The following VWA5B1 variants were observed in gnomAD, a reference collection of about 807,000 sequenced individuals.
VWA5B1 encodes von Willebrand factor A domain containing 5B1, also known as von Willebrand factor A domain-containing protein 5B1.
In VWA5B1, 115 loss-of-function variants were observed where a neutral mutation model predicts 118.2. The ratio of observed to expected loss-of-function variants is 0.97; its 90% CI spans 0.84 to 1.14. VWA5B1 has a LOEUF of 1.14. Ranked by LOEUF, VWA5B1 falls within the 50% of genes most tolerant of loss-of-function variation. The pLI is 0.00. For synonymous variants in VWA5B1, 682 were observed against 658.4 expected (o/e 1.04, Z -0.55); for missense variants, 1,596 against 1,603.8 (o/e 1.00, Z 0.08).
intron 1 of VWA5B1, among the ~76,000 whole-genome samples, chr1:20,291,737 G>T (rs1033385): frequency 6.6e-6 from 1 of 151,966 alleles, no homozygotes; most frequent in Admixed American, 6.5e-5. Flanking sequence ...ACCGGCCAAG[G>T]GCACACCCTT....
At chr1:20,317,402 G>A in intron 4 of VWA5B1, 128 bp from the exon 5 acceptor site, 1 of 1,261,802 alleles carries the variant, frequency 7.9e-7, no homozygotes, top group Non-Finnish European at 1.1e-6. Context: ...GAGTGGGAGA[G>A]CACGGGTCTG....
intron 12 of VWA5B1, among the ~76,000 whole-genome samples, chr1:20,335,382 A>G (rs536571453): frequency 6.6e-6 from 1 of 152,340 alleles, no homozygotes; most frequent in South Asian, 2.1e-4. Context: ...AAAATTCAAG[A>G]TACTGATAAG....
At position 20,348,286 on chromosome 1, in the gene VWA5B1, C is replaced by G. The variant is rs2090050709; in HGVS notation, c.2806C>G (p.Gln936Glu). ...RMLGSRALAQ[Q>E]WRGTSSGFGR... ...GCTTGGCTCTCGGGCCCTGGCCCAA[C>G]AGTGGAGGGGCACCTCTTCTGGCTT... Residue 936 changes from glutamine to glutamate, a missense_variant, in exon 18 of 22, where the codon CAG becomes GAG. Gln to Glu is a conservative substitution (Grantham distance 29, BLOSUM62 2). Transcript: ENST00000289815. 1 of 1,551,590 alleles carries G rather than the reference C, an allele frequency of 6.4e-7. No individual in the cohort carries two copies. Among genetic ancestry groups the G allele is most frequent in the Non-Finnish European group, 8.7e-7 (1 of 1,147,012 alleles).
In VWA5B1 at chr1:20,330,199, G is replaced by C; in HGVS notation, c.1274G>C (p.Cys425Ser). ...CTGCAGGACAGCTTGGCCATGGCTTGTGATGACATCCAGAGAATGAAGGCC... is the reference window on the plus strand; with the variant it reads ...CTGCAGGACAGCTTGGCCATGGCTTCTGATGACATCCAGAGAATGAAGGCC... The part of the protein sequence containing the change: ...TYSEDSLAMA[C>S]DDIQRMKADM... The change falls in exon 10 of 22, where the codon TGT becomes TCT. Residue 425 changes from cysteine to serine, a missense_variant. Transcript: ENST00000289815. 1.3e-6 allele frequency: 2 copies of C among 1,551,744 alleles called. No homozygotes were observed. The highest frequency in any genetic ancestry group is 1.7e-6 in the Non-Finnish European group (2 of 1,147,006).
intron 1 of VWA5B1, among the ~76,000 whole-genome samples, chr1:20,294,710 C>T (rs112313389): frequency 2.0e-5 from 3 of 152,210 alleles, no homozygotes; most frequent in African/African-American, 7.2e-5. Context: ...AACCCCCAGC[C>T]TCCCAAGTAG....
At chr1:20,306,386 CA>C (rs1180070372) in intron 1 of VWA5B1, among the ~76,000 whole-genome samples, 2 of 152,150 alleles carry the variant, frequency 1.3e-5, no homozygotes, top group Non-Finnish European at 2.9e-5. Flanking sequence ...GCCATGGAGT[CA>C]CACAACTGGA....
Position 20,354,090 on chromosome 1 carries a change from G to A in VWA5B1, c.3475G>A (p.Glu1159Lys). ...GCACAGTTCGGCCTCCTACTTCACTGAGTGGGAGTTGGTGGCTGCCAAGGC... is the reference window on the plus strand; with the variant it reads ...GCACAGTTCGGCCTCCTACTTCACTAAGTGGGAGTTGGTGGCTGCCAAGGC... Reference protein sequence around the residue: ...LEHSSASYFTEWELVAAKANS... With the variant: ...LEHSSASYFTKWELVAAKANS... The change falls in exon 22 of 22, where the codon GAG becomes AAG. Residue 1159 changes from glutamate to lysine, a missense_variant. Transcript: ENST00000289815. The A allele has an allele frequency of 3.9e-6, 6 of 1,551,590 alleles. No individual in the cohort carries two copies. Among genetic ancestry groups the A allele is most frequent in the Non-Finnish European group, 4.4e-6 (5 of 1,147,004 alleles).
At chr1:20,332,554 A>G (rs2100939463) in intron 11 of VWA5B1, among the ~76,000 whole-genome samples, 1 of 125,560 alleles carries the variant, frequency 8.0e-6, no homozygotes, top group East Asian at 2.2e-4. Flanking sequence ...TAAAATGCTA[A>G]GCTTAGAAAA....
intron 1 of VWA5B1, among the ~76,000 whole-genome samples, chr1:20,303,693 C>G (rs990387759): frequency 6.6e-6 from 1 of 152,154 alleles, no homozygotes; most frequent in African/African-American, 2.4e-5. Flanking sequence ...TAACCACTAC[C>G]CCATGGGCAA....
rs936639379 is a variant in VWA5B1, at chr1:20,354,452, A to C, written c.*189A>C. 1.1e-4 allele frequency: 74 copies of C among 702,758 alleles called. No individual in the cohort carries two copies. Among genetic ancestry groups the C allele is most frequent in the Non-Finnish European group, 1.4e-4 (63 of 435,714 alleles). 43.5% of individuals were successfully genotyped at this position (702,758 alleles called of 1,614,324 possible). ...TGCTACCATCCAGCCATGCAACTTT[A>C]GGCCAGTGCCTGCCCCCGTCTGGGC... On this transcript the variant is annotated 3_prime_UTR_variant, in exon 22 of 22. Coordinates refer to ENST00000289815, the MANE Select transcript of VWA5B1 (RefSeq NM_001039500.3).
chr1:20,319,350 C>A (rs756773802), intron 6 of VWA5B1, 32 bp from the exon 7 acceptor site: 46 of 1,548,830 alleles, frequency 3.0e-5, no homozygotes, highest in Non-Finnish European at 3.8e-5. Context: ...CGATACCTGG[C>A]CAAGTGCTGA....
chr1:20,345,008 C>T (rs974832118), intron 16 of VWA5B1, among the ~76,000 whole-genome samples: 2 of 152,182 alleles, frequency 1.3e-5, no homozygotes, highest in Admixed American at 6.5e-5. Context: ...GCTCACCACT[C>T]TCCTCTGATT....
chr1:20,350,043 C>G (rs2090094773), intron 18 of VWA5B1, 113 bp from the exon 19 acceptor site: 1 of 1,107,406 alleles, frequency 9.0e-7, no homozygotes, highest in Non-Finnish European at 1.3e-6. Flanking sequence ...AAACCCTAGC[C>G]TTGTTCCCCA....
chr1:20,295,515 T>C (rs1444621674), intron 1 of VWA5B1, among the ~76,000 whole-genome samples: 2 of 152,186 alleles, frequency 1.3e-5, no homozygotes, highest in African/African-American at 4.8e-5. Context: ...AACCCTTTGC[T>C]AGATCGTGCC....
intron 1 of VWA5B1, among the ~76,000 whole-genome samples, chr1:20,291,359 T>TTCTCTCTCTC (rs67596546): frequency 1.4e-3 from 142 of 103,396 alleles, no homozygotes; most frequent in African/African-American, 2.9e-3. Context: ...CTTTCTTTCT[T>TTCTCTCTCTC]TCTCTCTCTC....
intron 10 of VWA5B1, 68 bp downstream of exon 10, chr1:20,330,450 G>A (rs1289799517): frequency 4.6e-6 from 7 of 1,526,268 alleles, no homozygotes; most frequent in Admixed American, 4.0e-5. Flanking sequence ...CAGAGCCCAA[G>A]GGCAATGTGG....
At chr1:20,307,471 A>G (rs1462811585) in intron 1 of VWA5B1, among the ~76,000 whole-genome samples, 1 of 152,084 alleles carries the variant, frequency 6.6e-6, no homozygotes, top group African/African-American at 2.4e-5. Context: ...AAGCCAGCAC[A>G]CTCCCTTGAG....
rs1290171795 is a variant in VWA5B1 at position 20,345,536 on chromosome 1, C to T, written c.2707C>T (p.Pro903Ser). The T allele has an allele frequency of 2.1e-5, 32 of 1,551,072 alleles. No homozygotes were observed. Among genetic ancestry groups the T allele is most frequent in the Non-Finnish European group, 2.7e-5 (31 of 1,146,982 alleles). ...NIISKYTAFV[P>S]VDVSKSRYLP... is the part of the protein sequence containing the mutation. ...CATTAGCAAATACACAGCCTTCGTG[C>T]CTGTGGACGTGAGCAAGAGCCGGTA... Residue 903 changes from proline to serine, a missense_variant, in exon 17 of 22, where the codon CCT becomes TCT. Physicochemically the swap from Pro to Ser is moderately conservative, Grantham distance 74 (BLOSUM62 -1). Transcript: ENST00000289815.
intron 5 of VWA5B1, 79 bp downstream of exon 5, chr1:20,317,754 G>A: frequency 2.1e-6 from 1 of 483,722 alleles, no homozygotes; most frequent in Non-Finnish European, 3.8e-6. Flanking sequence ...ACGGGGGTGG[G>A]AAGGAAAGCC....
Sources: allele counts gnomAD v4.1 joint callset (sites outside exome capture counted in the v4.1 genomes callset), GRCh38; gene constraint gnomAD v4.1.1; transcripts MANE v1.5; gene names NCBI Gene and HGNC (gene_info 2026-07-23, HGNC 2026-07-21).